ADAMTS3: variants seen among roughly 807,000 people sequenced by gnomAD.
ADAMTS3 encodes ADAM metallopeptidase with thrombospondin type 1 motif 3.
In ADAMTS3, 73 loss-of-function variants were observed where a neutral mutation model predicts 129.0. The observed-to-expected ratio is 0.57, with a 90% CI of 0.47 to 0.69. ADAMTS3 has a LOEUF of 0.69. Ranked by LOEUF, ADAMTS3 falls within the 30% of genes least tolerant of loss-of-function variation. The pLI is 0.00. For synonymous variants in ADAMTS3, 477 were observed against 510.8 expected, an observed-to-expected ratio of 0.93 and a Z score of 0.89; for missense variants, 1,457 against 1,514.5, an observed-to-expected ratio of 0.96 and a Z score of 0.63.
chr4:72,345,183 G>A (rs1250920548), intron 4 of ADAMTS3, among the ~76,000 whole-genome samples: 1 of 152,138 alleles, frequency 6.6e-6, no homozygotes, highest in Admixed American at 6.6e-5. Flanking sequence ...AATACAGAAT[G>A]AGGCTATATG....
intron 3 of ADAMTS3, among the ~76,000 whole-genome samples, chr4:72,475,227 T>A (rs1463514376): frequency 6.6e-6 from 1 of 151,788 alleles, no homozygotes; most frequent in East Asian, 1.9e-4. Context: ...GATTGACAGA[T>A]GAAATTTAAA....
intron 4 of ADAMTS3, among the ~76,000 whole-genome samples, chr4:72,343,598 C>T (rs896800364): frequency 6.6e-5 from 10 of 152,210 alleles, no homozygotes; most frequent in Admixed American, 3.9e-4. Context: ...TTTAGGGAGA[C>T]GGATTTGAGT....
chr4:72,351,553 T>A (rs1720437724), intron 4 of ADAMTS3, among the ~76,000 whole-genome samples: 1 of 136,652 alleles, frequency 7.3e-6, no homozygotes, highest in Non-Finnish European at 1.6e-5. Context: ...TTTAGGAAAT[T>A]TCCAAAAAAA....
rs115424414 is a variant in ADAMTS3, at chr4:72,306,160, G to A, written c.2180-93C>T. On this transcript the variant is annotated intron_variant, in intron 15 of 21. Coordinates refer to ENST00000286657, the MANE Select transcript of ADAMTS3 (RefSeq NM_014243.3). ...AGCACTACATTCTTACTGCTTCTGCGTGCAGAAGAGGGCATCCATAAATTT... is the reference window on the plus strand; with the variant it reads ...AGCACTACATTCTTACTGCTTCTGCATGCAGAAGAGGGCATCCATAAATTT... 2,153 of 798,480 alleles carry A rather than the reference G, an allele frequency of 2.7e-3. 42 individuals carry two copies. The African/African-American group carries it at 0.034, about 13-fold the overall frequency. The allele number at this position is 798,480 out of a possible 1,614,324, so 49.5% of individuals were successfully genotyped here. A position where few individuals can be genotyped will look rare whatever the true frequency, so the allele number is the denominator to read the frequency against.
At chr4:72,393,883 A>G (rs909806138) in intron 4 of ADAMTS3, among the ~76,000 whole-genome samples, 1 of 152,214 alleles carries the variant, frequency 6.6e-6, no homozygotes, top group African/African-American at 2.4e-5. Flanking sequence ...GAATTTCTGG[A>G]ATTTGTTTTA....
intron 2 of ADAMTS3, among the ~76,000 whole-genome samples, chr4:72,551,475 A>G (rs1446186016): frequency 6.6e-6 from 1 of 152,224 alleles, no homozygotes; most frequent in Non-Finnish European, 1.5e-5. Context: ...TAAAAAGTAT[A>G]CATAATAAAC....
At chr4:72,420,564 C>A (rs959492129) in intron 3 of ADAMTS3, among the ~76,000 whole-genome samples, 1 of 152,200 alleles carries the variant, frequency 6.6e-6, no homozygotes, top group African/African-American at 2.4e-5. Context: ...CACTTAACTG[C>A]CTATCATGTT....
chr4:72,348,010 G>T lies in ADAMTS3; in HGVS notation c.662-8317C>A, dbSNP rs139643546. On this transcript the variant is annotated intron_variant, in intron 4 of 21. Transcript: ENST00000286657. ...TTGCATTCTAAATCACTCCAATATG[G>T]AATGATTAATAAAAATGTAAATAAG... Among the ~76,000 whole-genome samples the T allele has an allele frequency of 4.0e-5, 6 of 151,878 alleles. No homozygotes were observed. The East Asian group carries it at 1.2e-3, about 29-fold the overall frequency.
At chr4:72,534,975 T>C (rs1172862282) in intron 3 of ADAMTS3, among the ~76,000 whole-genome samples, 2 of 152,176 alleles carry the variant, frequency 1.3e-5, no homozygotes, top group South Asian at 2.1e-4. Flanking sequence ...CTCATTTTTA[T>C]ATGCTAAGTC....
At chr4:72,428,212 T>C (rs961960299) in intron 3 of ADAMTS3, among the ~76,000 whole-genome samples, 1 of 152,014 alleles carries the variant, frequency 6.6e-6, no homozygotes, top group Non-Finnish European at 1.5e-5. Context: ...TTTCTGAAAG[T>C]CTTAATAATC....
At chr4:72,417,179 CATT>C (rs1419453376) in intron 3 of ADAMTS3, among the ~76,000 whole-genome samples, 7 of 152,260 alleles carry the variant, frequency 4.6e-5, no homozygotes, top group Middle Eastern at 3.4e-3. Flanking sequence ...TAAACATCAT[CATT>C]GTTTATTCGG....
chr4:72,312,179 A>C (rs1179549343), intron 13 of ADAMTS3, 112 bp downstream of exon 13: 1 of 1,189,338 alleles, frequency 8.4e-7, no homozygotes, highest in Non-Finnish European at 1.2e-6. Context: ...TATAAGCACC[A>C]AGTTTCCTAA....
chr4:72,337,393 T>C (rs1298458043), intron 5 of ADAMTS3, among the ~76,000 whole-genome samples: 1 of 152,168 alleles, frequency 6.6e-6, no homozygotes. Flanking sequence ...TACTGTCTGG[T>C]GAATATACTG....
chr4:72,425,304 A>C (rs1722542908), intron 3 of ADAMTS3, among the ~76,000 whole-genome samples: 1 of 152,126 alleles, frequency 6.6e-6, no homozygotes, highest in Non-Finnish European at 1.5e-5. Context: ...AATATAAAAT[A>C]TATAAAACAT....
At position 72,288,765 on chromosome 4, in the gene ADAMTS3, A is replaced by G. The variant is rs377218816; in HGVS notation, c.3035T>C (p.Leu1012Pro). Residue 1012 changes from leucine to proline, a missense_variant, in exon 21 of 22, where the codon CTG becomes CCG. Transcript: ENST00000286657. ...GTGACACCTACCATTACAAGGAGGC[A>G]GTTGACAGGCTCTGACCGACTCAGG... ...EKPESVRACQ[L>P]PPCNDEPCLG... The G allele has an allele frequency of 4.3e-6, 7 of 1,612,324 alleles. No homozygotes were observed. The South Asian group carries it at 6.6e-5, about 15-fold the overall frequency.
At chr4:72,354,463 C>T (rs992864833) in intron 4 of ADAMTS3, among the ~76,000 whole-genome samples, 1 of 151,982 alleles carries the variant, frequency 6.6e-6, no homozygotes, top group African/African-American at 2.4e-5. Flanking sequence ...CATTCCTCTC[C>T]ACTCTGAGTT....
chr4:72,349,636 C>A (rs1056188957), intron 4 of ADAMTS3, among the ~76,000 whole-genome samples: 2 of 151,838 alleles, frequency 1.3e-5, no homozygotes, highest in African/African-American at 4.8e-5. Context: ...CCTCGGTTGT[C>A]TAAAAGGTAA....
intron 21 of ADAMTS3, among the ~76,000 whole-genome samples, chr4:72,285,207 C>T (rs1295719922): frequency 5.9e-5 from 9 of 152,280 alleles, no homozygotes; most frequent in Admixed American, 4.6e-4. Flanking sequence ...AGCTGTAATA[C>T]GATGTCCACT....
intron 3 of ADAMTS3, among the ~76,000 whole-genome samples, chr4:72,442,481 G>A (rs1718143426): frequency 1.3e-5 from 2 of 151,604 alleles, no homozygotes; most frequent in Admixed American, 1.3e-4. Context: ...GCAAGAAAAA[G>A]CAAGGCAGGA....
Sources: gnomAD v4.1 joint callset for allele counts (sites outside exome capture counted in the v4.1 genomes callset) on GRCh38, gnomAD v4.1.1 for gene constraint, MANE v1.5 for transcripts, NCBI Gene and HGNC (gene_info 2026-07-23, HGNC 2026-07-21) for gene names.